The following CTNNA3 variants were observed in gnomAD, a reference collection of about 807,000 sequenced individuals.
CTNNA3 encodes the protein catenin alpha-3.
Under a neutral mutation model 95.7 loss-of-function variants are expected in CTNNA3, and 76 were observed. The observed-to-expected ratio is 0.79, with a 90% CI of 0.66 to 0.96. The LOEUF (loss-of-function observed/expected upper bound fraction) is 0.96, where lower values mean the gene tolerates loss of function less well. Among genes scored for constraint, CTNNA3 ranks in the 40% least tolerant of loss-of-function variants. CTNNA3 has a pLI of 0.00. For synonymous variants in CTNNA3, 431 were observed against 374.4 expected, an observed-to-expected ratio of 1.15 and a Z score of -1.74; for missense variants, 1,191 against 1,089.8, an observed-to-expected ratio of 1.09 and a Z score of -1.31.
At chr10:66,795,530 T>G (rs2132217240) in intron 7 of CTNNA3, among the ~76,000 whole-genome samples, 1 of 152,250 alleles carries the variant, frequency 6.6e-6, no homozygotes, top group South Asian at 2.1e-4. Flanking sequence ...CAGAGTAGGC[T>G]TAGCATAATT....
chr10:67,613,631 C>T (rs950149066), intron 2 of CTNNA3, among the ~76,000 whole-genome samples: 3 of 127,494 alleles, frequency 2.4e-5, no homozygotes, highest in Admixed American at 7.0e-5. Flanking sequence ...CTTTTTTTGC[C>T]CCCCCCAACA....
chr10:66,482,179 C>T (rs1839561518), intron 11 of CTNNA3, among the ~76,000 whole-genome samples: 1 of 152,000 alleles, frequency 6.6e-6, no homozygotes, highest in African/African-American at 2.4e-5. Context: ...GCAGACTGTC[C>T]CTTTGTGCTG....
At chr10:66,681,099 A>G (rs1159691277) in intron 9 of CTNNA3, among the ~76,000 whole-genome samples, 1 of 152,186 alleles carries the variant, frequency 6.6e-6, no homozygotes, top group Non-Finnish European at 1.5e-5. Flanking sequence ...GCTGGAGAAA[A>G]GCATTTGGAT....
chr10:66,500,911 G>A (rs1385844335), intron 11 of CTNNA3, among the ~76,000 whole-genome samples: 2 of 152,076 alleles, frequency 1.3e-5, no homozygotes, highest in East Asian at 1.9e-4. Context: ...CAGATTTTAT[G>A]AAGTGTCAAA....
intron 9 of CTNNA3, among the ~76,000 whole-genome samples, chr10:66,683,893 G>T (rs1847154692): frequency 6.6e-6 from 1 of 152,102 alleles, no homozygotes; most frequent in Admixed American, 6.6e-5. Context: ...AAAACCCCCA[G>T]CAAAATTGCA....
intron 17 of CTNNA3, among the ~76,000 whole-genome samples, chr10:65,957,191 A>T (rs985795552): frequency 2.6e-5 from 4 of 152,042 alleles, no homozygotes; most frequent in Non-Finnish European, 5.9e-5. Flanking sequence ...AGTCTGTTTT[A>T]TCAGAGACTA....
chr10:66,117,299 T>A (rs1042685824), intron 13 of CTNNA3, among the ~76,000 whole-genome samples: 6 of 152,318 alleles, frequency 3.9e-5, no homozygotes, highest in South Asian at 2.1e-4. Context: ...GAAATGCCTA[T>A]ATGAACTCTT....
chr10:66,694,195 C>A (rs935829321), intron 9 of CTNNA3, among the ~76,000 whole-genome samples: 7 of 151,918 alleles, frequency 4.6e-5, no homozygotes, highest in Admixed American at 6.6e-5. Context: ...AGAGGATCAA[C>A]AAAATTGATA....
intron 13 of CTNNA3, among the ~76,000 whole-genome samples, chr10:66,108,968 G>A (rs186013283): frequency 1.5e-3 from 226 of 152,294 alleles, no homozygotes; most frequent in Non-Finnish European, 2.5e-3. Flanking sequence ...GAGATTTTGT[G>A]TAGAGAAAGG....
At chr10:66,637,015 GAC>G (rs1377756332) in intron 9 of CTNNA3, among the ~76,000 whole-genome samples, 2 of 152,062 alleles carry the variant, frequency 1.3e-5, no homozygotes, top group Non-Finnish European at 1.5e-5. Flanking sequence ...CTTAAAGAAA[GAC>G]AATTTCTATA....
intron 2 of CTNNA3, among the ~76,000 whole-genome samples, chr10:67,637,641 G>A (rs1030642556): frequency 6.6e-6 from 1 of 152,210 alleles, no homozygotes; most frequent in Non-Finnish European, 1.5e-5. Flanking sequence ...ACAAAGGGAA[G>A]CCCATCAGAC....
At chr10:66,272,442 C>A (rs763043431) in intron 13 of CTNNA3, among the ~76,000 whole-genome samples, 1 of 152,092 alleles carries the variant, frequency 6.6e-6, no homozygotes, top group Non-Finnish European at 1.5e-5. Context: ...AGGGGAGAAG[C>A]GCACATTTGA....
At chr10:66,120,167 C>T (rs1040339434) in intron 13 of CTNNA3, among the ~76,000 whole-genome samples, 1 of 152,064 alleles carries the variant, frequency 6.6e-6, no homozygotes, top group African/African-American at 2.4e-5. Flanking sequence ...ATACCATGCA[C>T]ATTCAAATAA....
At chr10:67,762,200 A>T (rs948471468) in intron 1 of CTNNA3, among the ~76,000 whole-genome samples, 2 of 135,218 alleles carry the variant, frequency 1.5e-5, no homozygotes, top group Non-Finnish European at 3.3e-5. Flanking sequence ...AAAAAAAAAA[A>T]AAAGATTATT....
At chr10:66,444,747 T>C (rs2093405434) in intron 11 of CTNNA3, among the ~76,000 whole-genome samples, 1 of 152,144 alleles carries the variant, frequency 6.6e-6, no homozygotes, top group African/African-American at 2.4e-5. Flanking sequence ...CCATCAAGGC[T>C]AGGAAGAAAC....
rs995073650 is a variant in CTNNA3, at chr10:67,702,000, A to C, written c.-1-54486T>G. 4.6e-5 allele frequency among the ~76,000 whole-genome samples: 7 copies of C among 152,248 alleles called. No individual in the cohort carries two copies. The East Asian group carries it at 1.3e-3, about 29-fold the overall frequency. On this transcript the variant is annotated intron_variant, in intron 1 of 17. Transcript: ENST00000684154. ...CTTAGTCTCTAATAAAACAGACTTT[A>C]AACCAACAAAGATCAAAAGAGACAA...
intron 13 of CTNNA3, among the ~76,000 whole-genome samples, chr10:66,188,438 T>C (rs7908442): frequency 0.57 from 86,051 of 151,810 alleles, 24,769 homozygotes; most frequent in African/African-American, 0.67. Flanking sequence ...TTCTTGTTTT[T>C]TTTTTTAAGA....
At chr10:66,049,501 A>C (rs970154236) in intron 15 of CTNNA3, among the ~76,000 whole-genome samples, 1 of 152,208 alleles carries the variant, frequency 6.6e-6, no homozygotes, top group Non-Finnish European at 1.5e-5. Context: ...TGTTCATTGC[A>C]GCACTATTTA....
chr10:67,143,923 G>T (rs1461733315), intron 7 of CTNNA3, among the ~76,000 whole-genome samples: 1 of 152,156 alleles, frequency 6.6e-6, no homozygotes, highest in Non-Finnish European at 1.5e-5. Flanking sequence ...ATTTCCAAAA[G>T]ATTTTCAATT....
Sources: gnomAD v4.1 joint callset for allele counts (sites outside exome capture counted in the v4.1 genomes callset) on GRCh38, gnomAD v4.1.1 for gene constraint, MANE v1.5 for transcripts, NCBI Gene and HGNC (gene_info 2026-07-23, HGNC 2026-07-21) for gene names.